Variants in UNC80 observed in about 807,000 individuals in gnomAD.
The protein encoded by UNC80 is protein unc-80 homolog.
UNC80 carries 164 observed loss-of-function variants against 384.6 expected under a neutral mutation model. The observed-to-expected ratio is 0.43, with a 90% CI of 0.38 to 0.49. UNC80 has a LOEUF of 0.49. Ranked by LOEUF, UNC80 falls within the 20% of genes least tolerant of loss-of-function variation. UNC80 has a pLI of 0.00. For missense variants in UNC80, 3,330 were observed against 4,143.0 expected (o/e 0.80, Z 5.39); for synonymous variants, 1,486 against 1,527.8 (o/e 0.97, Z 0.64).
At chr2:209,823,614 G>A (rs2080294550) in intron 13 of UNC80, among the ~76,000 whole-genome samples, 1 of 152,034 alleles carries the variant, frequency 6.6e-6, no homozygotes, top group Non-Finnish European at 1.5e-5. Flanking sequence ...AGGTGCTCCA[G>A]AGGAAAGCAG....
intron 20 of UNC80, 122 bp downstream of exon 20, chr2:209,840,770 G>A (rs1217691912): frequency 4.0e-6 from 3 of 758,634 alleles, no homozygotes; most frequent in East Asian, 5.4e-5. Flanking sequence ...CTCTCCAGAT[G>A]AGCTAACTTT....
intron 7 of UNC80, among the ~76,000 whole-genome samples, chr2:209,812,534 G>A (rs1356951707): frequency 3.9e-5 from 6 of 152,230 alleles, no homozygotes; most frequent in African/African-American, 1.4e-4. Flanking sequence ...CACTTTGTAT[G>A]TGGGTAGCAT....
At chr2:209,853,410 T>C (rs1574745953) in intron 22 of UNC80, among the ~76,000 whole-genome samples, 1 of 152,080 alleles carries the variant, frequency 6.6e-6, no homozygotes, top group East Asian at 1.9e-4. Context: ...GTTCAAAGTT[T>C]TGCTGACCTG....
intron 18 of UNC80, among the ~76,000 whole-genome samples, chr2:209,835,637 T>C (rs1051859145): frequency 3.3e-5 from 5 of 152,266 alleles, no homozygotes; most frequent in African/African-American, 1.2e-4. Flanking sequence ...GTTTTATTTG[T>C]ATTTTTTCTC....
intron 48 of UNC80, 53 bp downstream of exon 48, chr2:209,954,323 A>G (rs1053139565): frequency 3.9e-6 from 5 of 1,276,642 alleles, no homozygotes; most frequent in Admixed American, 7.3e-5. Context: ...TTTCCACTGA[A>G]AAAAAAAAAA....
At chr2:209,917,692 A>G in intron 31 of UNC80, 85 bp from the exon 32 acceptor site, 1 of 1,458,974 alleles carries the variant, frequency 6.9e-7, no homozygotes, top group Non-Finnish European at 9.2e-7. Context: ...TTTTCAGAAG[A>G]TAGAAGCAGT....
intron 23 of UNC80, among the ~76,000 whole-genome samples, chr2:209,873,308 A>G (rs1365385699): frequency 6.6e-6 from 1 of 152,200 alleles, no homozygotes; most frequent in African/African-American, 2.4e-5. Flanking sequence ...TGCTATATTC[A>G]TCAAGAATTA....
In UNC80 at chr2:209,995,408, C is replaced by T. The variant is rs2093468038; in HGVS notation, c.9788C>T (p.Ser3263Phe). Reference sequence around the variant, plus strand: ...GGTGCTACTGCACACAGTCCACTCTCTGCCCAACTCTCTGACCCTGATGAC... The same window carrying T: ...GGTGCTACTGCACACAGTCCACTCTTTGCCCAACTCTCTGACCCTGATGAC... ...AQGATAHSPL[S>F]AQLSDPDDFT... Residue 3263 changes from serine (S) to phenylalanine (F), a missense_variant, in exon 65 of 65, where the codon TCT (serine) becomes TTT (phenylalanine). Physicochemically the swap from Ser to Phe is radical, Grantham distance 155. Transcript: ENST00000673920. The T allele has an allele frequency of 1.3e-6, 2 of 1,551,850 alleles. No individual in the cohort carries two copies. Among genetic ancestry groups the T allele is most frequent in the Non-Finnish European group, 1.7e-6 (2 of 1,147,060 alleles).
At chr2:209,954,063 G>A in intron 47 of UNC80, 37 bp from the exon 48 acceptor site, 1 of 1,530,314 alleles carries the variant, frequency 6.5e-7, no homozygotes, top group Non-Finnish European at 8.8e-7. Flanking sequence ...AAAGTAGAAT[G>A]TAAAAGGTGA....
chr2:209,917,811 T>G lies in UNC80; in HGVS notation c.5064T>G (p.Pro1688=). 1.3e-6 allele frequency: 2 copies of G among 1,552,148 alleles called. No homozygotes were observed. ...AMFLLCAVKV[P]EAVSDMLMSE... The stretch of plus-strand genomic sequence containing the variant: ...TCCTGCTGTGTGCAGTGAAGGTGCC[T>G]GAGGCCGTGTCCGACATGCTGATGT... Residue 1688 remains proline (P), a synonymous_variant, in exon 32 of 65, where the codon CCT becomes CCG. Transcript: ENST00000673920.
chr2:209,983,423 G>A (rs1002485308), intron 60 of UNC80, among the ~76,000 whole-genome samples: 1 of 152,110 alleles, frequency 6.6e-6, no homozygotes, highest in Admixed American at 6.5e-5. Flanking sequence ...CTATATAAAG[G>A]TTTGTATCAT....
intron 51 of UNC80, chr2:209,961,501 G>A (rs2092588857): frequency 1.3e-5 from 2 of 152,116 alleles, no homozygotes; most frequent in Non-Finnish European, 2.9e-5. Context: ...TATTTGAAGG[G>A]AGAGTGTATA....
chr2:209,935,125 G>C (rs1234668278), intron 39 of UNC80, among the ~76,000 whole-genome samples: 1 of 152,050 alleles, frequency 6.6e-6, no homozygotes, highest in Non-Finnish European at 1.5e-5. Flanking sequence ...TTTATTGCCT[G>C]GTCACCTCAT....
chr2:209,907,291 C>CAAAAAAAAAA (rs35210647), intron 29 of UNC80, among the ~76,000 whole-genome samples: 5 of 68,656 alleles, frequency 7.3e-5, no homozygotes, highest in African/African-American at 1.1e-4. Flanking sequence ...CAATAATGGG[C>CAAAAAAAAAA]AAAAAAAAAA....
chr2:209,965,283 A>G lies in UNC80; in HGVS notation c.7806-2154A>G, dbSNP rs188125720. ...AAAACCCCATCTCTACAAAAACTAC[A>G]AAAATTAGCCGGGCATGGGGCTGTG... On this transcript the variant is annotated intron_variant, in intron 51 of 64. Coordinates refer to ENST00000673920, the MANE Select transcript of UNC80 (RefSeq NM_001371986.1). 4.3e-3 allele frequency among the ~76,000 whole-genome samples: 650 copies of G among 152,164 alleles called. 3 individuals are homozygous for G. Among genetic ancestry groups the G allele is most frequent in the Non-Finnish European group, 7.6e-3 (519 of 67,986 alleles).
rs1574674803 is a variant in UNC80, at chr2:209,839,242, C to A, written c.3062C>A (p.Ala1021Asp). 6.4e-7 allele frequency: 1 copy of A among 1,551,508 alleles called. No individual in the cohort carries two copies. Among genetic ancestry groups the A allele is most frequent in the Non-Finnish European group, 8.7e-7 (1 of 1,146,972 alleles). The change falls in exon 19 of 65, where the codon GCC becomes GAC. Residue 1021 changes from alanine to aspartate, a missense_variant. Ala to Asp is a moderately radical substitution (Grantham distance 126, BLOSUM62 -2). Coordinates refer to ENST00000673920, the MANE Select transcript of UNC80 (RefSeq NM_001371986.1). The surrounding 1 kb of genome is among the most constrained non-coding windows in gnomAD (Gnocchi z 4.1). ...TACAGCGATGAACAAATGCAAGGAG[C>A]CAACTTGGGGCGGAAAGATTTCTGG... ...TPEHDEQMQG[A>D]NLGRKDFWRK... is the part of the protein sequence containing the mutation.
At chr2:209,785,999 T>C (rs2077404085) in intron 4 of UNC80, 67 bp from the exon 5 acceptor site, 2 of 1,541,634 alleles carry the variant, frequency 1.3e-6, no homozygotes, top group South Asian at 2.5e-5. Flanking sequence ...AATCCTTGCA[T>C]TGATTGGTCC....
chr2:209,958,479 A>G (rs2092484210), intron 49 of UNC80, among the ~76,000 whole-genome samples: 1 of 152,186 alleles, frequency 6.6e-6, no homozygotes, highest in Non-Finnish European at 1.5e-5. Flanking sequence ...TTATTCATGT[A>G]AAGTTAATTC....
At chr2:209,946,251 C>T (rs1261048001) in intron 47 of UNC80, among the ~76,000 whole-genome samples, 1 of 151,664 alleles carries the variant, frequency 6.6e-6, no homozygotes, top group Non-Finnish European at 1.5e-5. Context: ...CACCTGTAGT[C>T]CCAACTTTTT....
Sources: allele counts gnomAD v4.1 joint callset (sites outside exome capture counted in the v4.1 genomes callset), GRCh38; gene constraint gnomAD v4.1.1; non-coding constraint Gnocchi (gnomAD v3.1); transcripts MANE v1.5; gene names NCBI Gene and HGNC (gene_info 2026-07-23, HGNC 2026-07-21).